WDR12: variants seen among roughly 807,000 people sequenced by gnomAD.
WDR12 encodes WD repeat domain 12, also known as ribosome biogenesis protein WDR12.
A neutral mutation model predicts 64.3 loss-of-function variants in WDR12; 42 were observed. The ratio of observed to expected loss-of-function variants is 0.65; its 90% CI spans 0.51 to 0.84. WDR12 has a LOEUF of 0.84. WDR12 is among the 40% of genes least tolerant of loss of function. The probability of loss-of-function intolerance (pLI) is 0.00; values close to 1 mark genes in which losing one functional copy is unlikely to be tolerated. For missense variants in WDR12, 469 were observed against 494.6 expected (o/e 0.95, Z 0.49); for synonymous variants, 158 against 173.3 (o/e 0.91, Z 0.70).
chr2:202,881,470 G>C (rs1213912330), intron 12 of WDR12, among the ~76,000 whole-genome samples: 1 of 152,080 alleles, frequency 6.6e-6, no homozygotes, highest in Admixed American at 6.6e-5. Flanking sequence ...GTTTTTGGAG[G>C]TAAAATGTTT....
chr2:202,902,504 T>C (rs1274829596), intron 2 of WDR12, among the ~76,000 whole-genome samples: 1 of 152,192 alleles, frequency 6.6e-6, no homozygotes, highest in East Asian at 1.9e-4. Flanking sequence ...GCTGCCAGCA[T>C]GGCTAGGATA....
intron 6 of WDR12, among the ~76,000 whole-genome samples, chr2:202,895,290 G>C (rs1559161315): frequency 1.3e-5 from 2 of 152,044 alleles, no homozygotes. Flanking sequence ...CCTCAGGTTT[G>C]TTACCTTTTA....
chr2:202,911,577 T>G lies in WDR12; in HGVS notation c.-101A>C. On this transcript the variant is annotated 5_prime_UTR_variant, in exon 1 of 13. Transcript: ENST00000261015. ...AGACTACAAAGAGGCAGCTCAAAATTAGACTGCACAGGTAAGCGAGGAACT... is the reference window on the plus strand; with the variant it reads ...AGACTACAAAGAGGCAGCTCAAAATGAGACTGCACAGGTAAGCGAGGAACT... The G allele has an allele frequency of 9.1e-7, 1 of 1,093,082 alleles. No homozygotes were observed. Among genetic ancestry groups the G allele is most frequent in the Admixed American group, 1.7e-5 (1 of 57,648 alleles). 67.7% of individuals were successfully genotyped at this position (1,093,082 alleles called of 1,614,324 possible).
intron 1 of WDR12, among the ~76,000 whole-genome samples, chr2:202,908,786 A>T (rs1451845343): frequency 6.6e-6 from 1 of 152,230 alleles, no homozygotes; most frequent in Non-Finnish European, 1.5e-5. Context: ...ACATGACAGG[A>T]GGCAGATTAG....
At chr2:202,884,063 G>A (rs112065260) in intron 10 of WDR12, 135 bp downstream of exon 10, 137,402 of 828,626 alleles carry the variant, frequency 0.17, 12,915 homozygotes, top group Middle Eastern at 0.25. Flanking sequence ...TGCCCGCCTC[G>A]GCCTCTCAAA....
intron 7 of WDR12, among the ~76,000 whole-genome samples, chr2:202,893,788 A>C (rs2105907059): frequency 1.3e-5 from 2 of 152,264 alleles, no homozygotes; most frequent in Non-Finnish European, 2.9e-5. Context: ...CTATGAAAGC[A>C]CCTTCCTCTC....
rs1223835132 is a variant in WDR12, at chr2:202,875,943, A to T, written c.*4917T>A. 1.3e-5 allele frequency: 2 copies of T among 152,230 alleles called. No individual in the cohort carries two copies. Among genetic ancestry groups the T allele is most frequent in the Non-Finnish European group, 2.9e-5 (2 of 68,050 alleles). 9.4% of individuals were successfully genotyped at this position (152,230 alleles called of 1,614,324 possible). A position where few individuals can be genotyped will look rare whatever the true frequency, so the allele number is the denominator to read the frequency against. On this transcript the variant is annotated 3_prime_UTR_variant, in exon 13 of 13. Transcript: ENST00000261015. ...CTATAGAGGATTATTATGGTAGGAT[A>T]TAGTTTCATTGTTACTTTTATGGAC...
Position 202,892,706 on chromosome 2 carries a change from T to A in WDR12, c.656-4A>T, listed in dbSNP as rs1222283073. ...TCATCTTCTTCATCTGTAGGGACTG[T>A]GTCATAGAGAATTAGATTTGACATT... On this transcript the variant is annotated splice_region_variant and splice_polypyrimidine_tract_variant and intron_variant, in intron 7 of 12. Coordinates refer to ENST00000261015, the MANE Select transcript of WDR12 (RefSeq NM_018256.4). 3 of 1,604,820 alleles carry A rather than the reference T, an allele frequency of 1.9e-6. No individual in the cohort carries two copies. In the South Asian group the frequency reaches 3.3e-5, roughly 18 times the overall value.
chr2:202,898,479 G>T (rs962844522), intron 4 of WDR12, among the ~76,000 whole-genome samples: 5 of 152,122 alleles, frequency 3.3e-5, no homozygotes, highest in Non-Finnish European at 7.4e-5. Flanking sequence ...TACTTAACCA[G>T]TGAAAACCAT....
rs1267348142 is a variant in WDR12, at chr2:202,899,540, G to A, written c.329C>T (p.Ala110Val). The change falls in exon 4 of 13, where the codon GCA (alanine) becomes GTA (valine). Residue 110 changes from alanine to valine, a missense_variant. Transcript: ENST00000261015. ...HDDWISSIKG[A>V]EEWILTGSYD... ...ATTAATCTGGCAATACCATTCCTCT[G>A]CCCCTTTAATTGAACTGATCCAGTC... 6.2e-7 allele frequency: 1 copy of A among 1,613,706 alleles called. No homozygotes were observed. Among genetic ancestry groups the A allele is most frequent in the Non-Finnish European group, 8.5e-7 (1 of 1,179,760 alleles).
intron 5 of WDR12, 78 bp from the exon 6 acceptor site, chr2:202,896,297 C>T: frequency 6.9e-7 from 1 of 1,440,638 alleles, no homozygotes; most frequent in East Asian, 2.5e-5. Context: ...AACCAAAGAA[C>T]TAAATTTTTT....
intron 4 of WDR12, among the ~76,000 whole-genome samples, chr2:202,898,049 T>C (rs904672573): frequency 7.8e-6 from 1 of 127,676 alleles, no homozygotes; most frequent in Non-Finnish European, 1.6e-5. Context: ...TATTTCACTA[T>C]GTATATGTTA....
chr2:202,903,211 T>C (rs1045401933), intron 2 of WDR12, among the ~76,000 whole-genome samples: 2 of 152,238 alleles, frequency 1.3e-5, no homozygotes, highest in African/African-American at 2.4e-5. Context: ...ATCATTTCAA[T>C]TGATGCTGAA....
chr2:202,900,021 G>T (rs1053911129), intron 3 of WDR12, among the ~76,000 whole-genome samples: 4 of 152,068 alleles, frequency 2.6e-5, no homozygotes, highest in Non-Finnish European at 4.4e-5. Context: ...CTGCAAATGG[G>T]GGGGAAAGGA....
Position 202,874,861 on chromosome 2 carries a change from T to C in WDR12, c.*5999A>G, listed in dbSNP as rs1687830320. ...ATTAGACACAATTCTAGAATTAGAA[T>C]TATTATGATGATTTTAAATGTGAAG... On this transcript the variant is annotated 3_prime_UTR_variant, in exon 13 of 13. Transcript: ENST00000261015. 6.6e-6 allele frequency: 1 copy of C among 152,208 alleles called. No homozygotes were observed. Among genetic ancestry groups the C allele is most frequent in the Non-Finnish European group, 1.5e-5 (1 of 68,034 alleles). 9.4% of individuals were successfully genotyped at this position (152,208 alleles called of 1,614,324 possible). A position where few individuals can be genotyped will look rare whatever the true frequency, so the allele number is the denominator to read the frequency against.
intron 4 of WDR12, among the ~76,000 whole-genome samples, chr2:202,899,307 G>C (rs1322906498): frequency 6.6e-6 from 1 of 152,022 alleles, no homozygotes; most frequent in African/African-American, 2.4e-5. Context: ...GCCTCCCAAA[G>C]TGCTGGGATT....
intron 8 of WDR12, among the ~76,000 whole-genome samples, chr2:202,889,230 G>A (rs1326320036): frequency 6.6e-6 from 1 of 152,160 alleles, no homozygotes; most frequent in Non-Finnish European, 1.5e-5. Context: ...GCTTACGAAA[G>A]TATGCACCTA....
At position 202,875,189 on chromosome 2, in the gene WDR12, T is replaced by G. The variant is rs1687836722; in HGVS notation, c.*5671A>C. ...CATAATTACATGAATAATAGGATAA[T>G]TTCTAAAATTCATTTTTGCTTATAT... On this transcript the variant is annotated 3_prime_UTR_variant, in exon 13 of 13. Transcript: ENST00000261015. 6.6e-6 allele frequency: 1 copy of G among 152,168 alleles called. No individual in the cohort carries two copies. The highest frequency in any genetic ancestry group is 2.4e-5 in the African/African-American group (1 of 41,446). 9.4% of individuals were successfully genotyped at this position (152,168 alleles called of 1,614,324 possible).
chr2:202,883,464 T>C, intron 11 of WDR12, 145 bp downstream of exon 11: 5 of 1,040,230 alleles, frequency 4.8e-6, no homozygotes, highest in Non-Finnish European at 6.7e-6. Context: ...GGCTTTTCTT[T>C]TGCATATCAG....
Sources: gnomAD v4.1 joint callset for allele counts (sites outside exome capture counted in the v4.1 genomes callset) on GRCh38, gnomAD v4.1.1 for gene constraint, MANE v1.5 for transcripts, NCBI Gene and HGNC (gene_info 2026-07-23, HGNC 2026-07-21) for gene names.